Variants in HSD17B12 observed in about 807,000 individuals in gnomAD.
The protein encoded by HSD17B12 is very-long-chain 3-oxoacyl-CoA reductase.
In HSD17B12, 32 loss-of-function variants were observed where a neutral mutation model predicts 39.3. The observed-to-expected ratio is 0.81, with a 90% confidence interval of 0.61 to 1.09. HSD17B12 has a LOEUF of 1.09. Ranked by LOEUF, HSD17B12 falls within the 50% of genes least tolerant of loss-of-function variation. HSD17B12 has a pLI of 0.00. For missense variants in HSD17B12, 342 were observed against 382.9 expected, an observed-to-expected ratio of 0.89 and a Z score of 0.89; for synonymous variants, 150 against 146.7, an observed-to-expected ratio of 1.02 and a Z score of -0.16.
intron 7 of HSD17B12, among the ~76,000 whole-genome samples, chr11:43,836,476 C>G (rs538732416): frequency 3.1e-4 from 47 of 152,154 alleles, no homozygotes; most frequent in Non-Finnish European, 5.3e-4. Flanking sequence ...GTGATACATT[C>G]CAATATGTCA....
Position 43,756,179 on chromosome 11 carries a change from C to T in HSD17B12, c.283+2058C>T, listed in dbSNP as rs188186303. 4.5e-3 allele frequency among the ~76,000 whole-genome samples: 677 copies of T among 151,212 alleles called. 7 individuals carry two copies. Among genetic ancestry groups the T allele is most frequent in the South Asian group, 0.012 (56 of 4,776 alleles). On this transcript the variant is annotated intron_variant, in intron 3 of 10. Coordinates refer to ENST00000278353, the MANE Select transcript of HSD17B12 (RefSeq NM_016142.3). ...GGGGACACAGCCAAACCATTCACAG[C>T]GCCTTATTGGAGATTCCCAATATTA...
At chr11:43,729,391 G>T (rs895392768) in intron 1 of HSD17B12, among the ~76,000 whole-genome samples, 1 of 152,200 alleles carries the variant, frequency 6.6e-6, no homozygotes, top group Non-Finnish European at 1.5e-5. Flanking sequence ...TGCAAAGTAG[G>T]TGAGTAGGTC....
At chr11:43,629,023 T>C in the HSD17B12 span, among the ~76,000 whole-genome samples, 1 of 152,128 alleles carries the variant, frequency 6.6e-6, no homozygotes, top group Non-Finnish European at 1.5e-5. Context: ...ATGTTTGTAA[T>C]TGATGTAAAG....
chr11:43,610,886 A>C, the HSD17B12 span, among the ~76,000 whole-genome samples: 1,347 of 152,284 alleles, frequency 8.8e-3, 18 homozygotes, highest in African/African-American at 0.03. Context: ...AATATATCAG[A>C]TCTTCAAGAG....
the HSD17B12 span, among the ~76,000 whole-genome samples, chr11:43,654,900 A>T: frequency 6.6e-6 from 1 of 152,074 alleles, no homozygotes; most frequent in East Asian, 1.9e-4. Flanking sequence ...GTTCCATATG[A>T]ATTTTATGAA....
the HSD17B12 span, among the ~76,000 whole-genome samples, chr11:43,596,789 T>A: frequency 1.3e-5 from 2 of 152,350 alleles, no homozygotes; most frequent in African/African-American, 2.4e-5. Flanking sequence ...GTCACCCTTT[T>A]CTCATGCTGT....
chr11:43,712,649 A>G (rs1350047952), intron 1 of HSD17B12, among the ~76,000 whole-genome samples: 1 of 151,984 alleles, frequency 6.6e-6, no homozygotes, highest in Non-Finnish European at 1.5e-5. Context: ...TATCTTCCCT[A>G]AGATGTATAA....
At chr11:43,829,130 G>A (rs764973244) in intron 6 of HSD17B12, among the ~76,000 whole-genome samples, 3 of 152,178 alleles carry the variant, frequency 2.0e-5, no homozygotes, top group Non-Finnish European at 2.9e-5. Context: ...TTTAGAGTCA[G>A]AATGTAAAAG....
intron 1 of HSD17B12, among the ~76,000 whole-genome samples, chr11:43,740,215 G>A (rs550424297): frequency 3.2e-4 from 49 of 152,298 alleles, no homozygotes; most frequent in Non-Finnish European, 5.9e-4. Context: ...CATGAATTGA[G>A]TGAGGAGGGA....
intron 1 of HSD17B12, among the ~76,000 whole-genome samples, chr11:43,739,248 A>G (rs950346568): frequency 6.6e-6 from 1 of 152,134 alleles, no homozygotes; most frequent in African/African-American, 2.4e-5. Flanking sequence ...TCGGAGTACT[A>G]TGGGGCAGAG....
At chr11:43,707,076 A>G (rs1373228339) in intron 1 of HSD17B12, among the ~76,000 whole-genome samples, 1 of 152,184 alleles carries the variant, frequency 6.6e-6, no homozygotes, top group Non-Finnish European at 1.5e-5. Flanking sequence ...TATATCGTCT[A>G]TTCTTAGGTT....
chr11:43,813,395 C>A (rs529645946), intron 4 of HSD17B12, among the ~76,000 whole-genome samples: 2 of 152,166 alleles, frequency 1.3e-5, no homozygotes, highest in African/African-American at 4.8e-5. Flanking sequence ...AGAGGGAAAT[C>A]TGAAGAAAGT....
chr11:43,585,522 A>G, the HSD17B12 span, among the ~76,000 whole-genome samples: 3 of 152,204 alleles, frequency 2.0e-5, no homozygotes, highest in Non-Finnish European at 4.4e-5. Flanking sequence ...CAACAGATCT[A>G]TTTGCTATGT....
chr11:43,647,418 G>A, the HSD17B12 span, among the ~76,000 whole-genome samples: 1 of 150,134 alleles, frequency 6.7e-6, no homozygotes, highest in African/African-American at 2.4e-5. Flanking sequence ...TAGAACTACA[G>A]GCATGCTCCA....
intron 3 of HSD17B12, among the ~76,000 whole-genome samples, chr11:43,776,845 C>A (rs992952477): frequency 3.9e-5 from 6 of 152,094 alleles, no homozygotes; most frequent in Non-Finnish European, 8.8e-5. Context: ...TTTCCCAGCA[C>A]CATTTATTAA....
At chr11:43,682,917 G>C (rs969649731) in intron 1 of HSD17B12, among the ~76,000 whole-genome samples, 1 of 151,482 alleles carries the variant, frequency 6.6e-6, no homozygotes, top group Non-Finnish European at 1.5e-5. Flanking sequence ...TGAGCCTCCT[G>C]AGTAGCTGGG....
the HSD17B12 span, among the ~76,000 whole-genome samples, chr11:43,574,812 G>T: frequency 1.3e-5 from 2 of 152,154 alleles, no homozygotes; most frequent in Admixed American, 1.3e-4. Context: ...ACGTCACCTC[G>T]CCTTAAAAAG....
chr11:43,689,047 A>C (rs1180749992), intron 1 of HSD17B12, among the ~76,000 whole-genome samples: 2 of 152,236 alleles, frequency 1.3e-5, no homozygotes, highest in Non-Finnish European at 2.9e-5. Context: ...AATTATGAAC[A>C]GACCAATTAG....
rs187841975 is a variant in HSD17B12 at position 43,802,048 on chromosome 11, C to T, written c.391+3621C>T. Among the ~76,000 whole-genome samples the T allele has an allele frequency of 7.7e-3, 1,172 of 151,902 alleles. 14 individuals are homozygous for T. The highest frequency in any genetic ancestry group is 0.027 in the African/African-American group (1,103 of 41,420). Reference sequence around the variant, plus strand: ...TCACCCAGGCTGGAGTGCAGTGGCGCGATCTCTGCTCACTGCAAGCTCCAT... The same window carrying T: ...TCACCCAGGCTGGAGTGCAGTGGCGTGATCTCTGCTCACTGCAAGCTCCAT... On this transcript the variant is annotated intron_variant, in intron 4 of 10. Coordinates refer to ENST00000278353, the MANE Select transcript of HSD17B12 (RefSeq NM_016142.3).
Sources: allele counts gnomAD v4.1 joint callset (sites outside exome capture counted in the v4.1 genomes callset), GRCh38; gene constraint gnomAD v4.1.1; transcripts MANE v1.5; gene names NCBI Gene and HGNC (gene_info 2026-07-23, HGNC 2026-07-21).